The following PIK3CB variants were observed in gnomAD, a reference collection of about 807,000 sequenced individuals.
PIK3CB encodes the protein phosphatidylinositol-4,5-bisphosphate 3-kinase catalytic subunit beta.
A neutral mutation model predicts 136.8 loss-of-function variants in PIK3CB; 39 were observed. The observed-to-expected ratio is 0.29, with a 90% CI of 0.22 to 0.37. The LOEUF is 0.37. PIK3CB is among the 10% of genes least tolerant of loss of function. The probability of loss-of-function intolerance (pLI) is 1.00; values close to 1 mark genes in which losing one functional copy is unlikely to be tolerated. For synonymous variants in PIK3CB, 428 were observed against 436.6 expected, an observed-to-expected ratio of 0.98 and a Z score of 0.25; for missense variants, 868 against 1,275.4, an observed-to-expected ratio of 0.68 and a Z score of 4.87.
At chr3:138,708,713 G>A (rs2044431801) in intron 10 of PIK3CB, among the ~76,000 whole-genome samples, 1 of 151,484 alleles carries the variant, frequency 6.6e-6, no homozygotes. Flanking sequence ...GAGTAACTGG[G>A]ACTACAGGCA....
chr3:138,758,863 A>G (rs1440295572), intron 3 of PIK3CB, among the ~76,000 whole-genome samples: 1 of 152,182 alleles, frequency 6.6e-6, no homozygotes, highest in Non-Finnish European at 1.5e-5. Flanking sequence ...TTCCCCCAAG[A>G]GTCAAGGAAA....
chr3:138,788,982 A>C lies in PIK3CB; in HGVS notation c.-17+7481T>G, dbSNP rs866383263. 4.5e-3 allele frequency among the ~76,000 whole-genome samples: 659 copies of C among 147,930 alleles called. 4 individuals are homozygous for C. The highest frequency in any genetic ancestry group is 0.021 in the Middle Eastern group (6 of 288). ...TTCGTCTCAAAAAAAAAAAAAAAAA[A>C]AAAAAAAAAACAAAAAACAACACCA... On this transcript the variant is annotated intron_variant, in intron 2 of 23. Transcript: ENST00000674063.
At chr3:138,746,891 T>G (rs898954659) in intron 4 of PIK3CB, among the ~76,000 whole-genome samples, 5 of 150,312 alleles carry the variant, frequency 3.3e-5, no homozygotes, top group Admixed American at 1.3e-4. Context: ...AAAAGGTGAT[T>G]CACAAAAAGT....
chr3:138,749,356 C>T (rs151141606), intron 4 of PIK3CB, among the ~76,000 whole-genome samples: 1,672 of 152,294 alleles, frequency 0.011, 19 homozygotes, highest in Non-Finnish European at 0.013. Context: ...GCCATCATCA[C>T]CCTTCCTTTG....
chr3:138,700,714 G>C (rs1260621852), intron 12 of PIK3CB, among the ~76,000 whole-genome samples: 1 of 147,522 alleles, frequency 6.8e-6, no homozygotes, highest in Non-Finnish European at 1.5e-5. Context: ...TAGATAGATA[G>C]ATAGATAGAT....
intron 7 of PIK3CB, among the ~76,000 whole-genome samples, chr3:138,733,935 G>A (rs1450935802): frequency 6.6e-6 from 1 of 151,978 alleles, no homozygotes; most frequent in Non-Finnish European, 1.5e-5. Flanking sequence ...GGCTTTCATG[G>A]CAAAACATAG....
rs1207424221 is a variant in PIK3CB, at chr3:138,694,647, C to T, written c.1892+139G>A. 3.7e-6 allele frequency: 3 copies of T among 820,546 alleles called. No individual in the cohort carries two copies. The Admixed American group carries it at 8.5e-5, about 23-fold the overall frequency. The allele number at this position is 820,546 out of a possible 1,614,324, so 50.8% of individuals were successfully genotyped here. A position where few individuals can be genotyped will look rare whatever the true frequency, so the allele number is the denominator to read the frequency against. ...TATAAACATTGAGTTGGGGAGCTGGCAGGAGTACATGAGCAAATGCTTTGA... is the reference window on the plus strand; with the variant it reads ...TATAAACATTGAGTTGGGGAGCTGGTAGGAGTACATGAGCAAATGCTTTGA... On this transcript the variant is annotated intron_variant, in intron 14 of 23. Coordinates refer to ENST00000674063, the MANE Select transcript of PIK3CB (RefSeq NM_006219.3).
At chr3:138,717,332 G>T (rs1457078517) in intron 8 of PIK3CB, among the ~76,000 whole-genome samples, 3 of 151,684 alleles carry the variant, frequency 2.0e-5, no homozygotes, top group Non-Finnish European at 4.4e-5. Context: ...GATTAAAGGG[G>T]GACAAATATT....
intron 19 of PIK3CB, among the ~76,000 whole-genome samples, chr3:138,681,190 G>A (rs367902552): frequency 6.6e-6 from 1 of 151,528 alleles, no homozygotes; most frequent in African/African-American, 2.4e-5. Flanking sequence ...GGGAGTACGG[G>A]CATGTGCTCC....
intron 4 of PIK3CB, among the ~76,000 whole-genome samples, chr3:138,752,092 C>T (rs1178660294): frequency 1.3e-5 from 2 of 151,224 alleles, no homozygotes; most frequent in Non-Finnish European, 2.9e-5. Context: ...AGAATGCTAA[C>T]AAAATCCTCT....
intron 2 of PIK3CB, 41 bp from the exon 3 acceptor site, chr3:138,759,400 C>T: frequency 7.1e-7 from 1 of 1,405,912 alleles, no homozygotes; most frequent in Non-Finnish European, 9.8e-7. Context: ...CAACCATCAG[C>T]CAAATTTTAT....
intron 2 of PIK3CB, among the ~76,000 whole-genome samples, chr3:138,793,843 G>A (rs2046080169): frequency 6.6e-6 from 1 of 152,128 alleles, no homozygotes; most frequent in Non-Finnish European, 1.5e-5. Flanking sequence ...AACATAGTGA[G>A]GCACCATCTC....
chr3:138,661,010 A>T (rs905979424), intron 21 of PIK3CB, among the ~76,000 whole-genome samples: 5 of 152,192 alleles, frequency 3.3e-5, no homozygotes, highest in African/African-American at 1.2e-4. Context: ...AACCAATCAG[A>T]TTTCTAGAAT....
At chr3:138,788,428 G>A (rs761127841) in intron 2 of PIK3CB, among the ~76,000 whole-genome samples, 4 of 151,298 alleles carry the variant, frequency 2.6e-5, no homozygotes, top group Admixed American at 2.0e-4. Context: ...AGACCGAGGC[G>A]GGCAGATCAC....
intron 22 of PIK3CB, among the ~76,000 whole-genome samples, chr3:138,656,956 C>T (rs1201763160): frequency 1.3e-5 from 2 of 152,038 alleles, no homozygotes; most frequent in Non-Finnish European, 2.9e-5. Flanking sequence ...TTAGTAGAGA[C>T]GGGGTTTCAC....
At chr3:138,801,257 A>G (rs2046171102) in intron 1 of PIK3CB, among the ~76,000 whole-genome samples, 1 of 151,786 alleles carries the variant, frequency 6.6e-6, no homozygotes, top group African/African-American at 2.4e-5. Context: ...TTAAATAACG[A>G]TAATCTACAC....
intron 19 of PIK3CB, among the ~76,000 whole-genome samples, chr3:138,667,276 G>A (rs925825312): frequency 6.6e-6 from 1 of 151,482 alleles, no homozygotes; most frequent in East Asian, 1.9e-4. Context: ...GAGAGCACAA[G>A]GGGGAGCACA....
chr3:138,795,301 C>CA (rs1161815086), intron 2 of PIK3CB, among the ~76,000 whole-genome samples: 2 of 130,598 alleles, frequency 1.5e-5, no homozygotes, highest in Middle Eastern at 4.8e-3. Context: ...GCCTGGGTGA[C>CA]AGAGCATGAG....
intron 1 of PIK3CB, among the ~76,000 whole-genome samples, chr3:138,798,916 C>A (rs1015660894): frequency 7.2e-5 from 11 of 152,004 alleles, no homozygotes; most frequent in African/African-American, 2.4e-4. Context: ...TATACAAAGT[C>A]TCATGTCTCT....
Sources: allele counts gnomAD v4.1 joint callset (sites outside exome capture counted in the v4.1 genomes callset), GRCh38; gene constraint gnomAD v4.1.1; transcripts MANE v1.5; gene names NCBI Gene and HGNC (gene_info 2026-07-23, HGNC 2026-07-21).